CNTNAP2: variants seen among roughly 807,000 people sequenced by gnomAD.
CNTNAP2 encodes the protein contactin-associated protein-like 2.
In CNTNAP2, 98 loss-of-function variants were observed where a neutral mutation model predicts 155.2. That is an observed-to-expected ratio of 0.63 (90% CI 0.54 to 0.75). CNTNAP2 has a LOEUF of 0.75. CNTNAP2 is among the 30% of genes least tolerant of loss of function. The pLI is 0.00. For synonymous variants in CNTNAP2, 651 were observed against 631.2 expected, an observed-to-expected ratio of 1.03 and a Z score of -0.47; for missense variants, 1,727 against 1,688.1, an observed-to-expected ratio of 1.02 and a Z score of -0.40.
intron 13 of CNTNAP2, among the ~76,000 whole-genome samples, chr7:147,823,720 TAAAAAA>T (rs35815165): frequency 6.8e-6 from 1 of 147,690 alleles, no homozygotes; most frequent in South Asian, 2.1e-4. Context: ...AGCAAGGGCT[TAAAAAA>T]AAAAAAAATT....
intron 8 of CNTNAP2, among the ~76,000 whole-genome samples, chr7:147,250,610 C>T (rs985419): frequency 0.23 from 33,922 of 148,380 alleles, 4,032 homozygotes; most frequent in Middle Eastern, 0.3. Flanking sequence ...GTCCCTCTTT[C>T]GGGGGAGGGA....
chr7:147,228,069 A>G (rs1803588951), intron 8 of CNTNAP2, among the ~76,000 whole-genome samples: 1 of 152,222 alleles, frequency 6.6e-6, no homozygotes, highest in Non-Finnish European at 1.5e-5. Flanking sequence ...GGAACAGTAG[A>G]TGAACAAGTA....
intron 1 of CNTNAP2, among the ~76,000 whole-genome samples, chr7:146,126,320 G>A (rs2116727756): frequency 6.6e-6 from 1 of 152,278 alleles, no homozygotes; most frequent in South Asian, 2.1e-4. Context: ...ATTCCTTGAT[G>A]ACACTGTCAT....
At chr7:147,416,781 T>G (rs913681000) in intron 10 of CNTNAP2, among the ~76,000 whole-genome samples, 2 of 152,106 alleles carry the variant, frequency 1.3e-5, no homozygotes, top group African/African-American at 2.4e-5. Flanking sequence ...AGGACCAGTA[T>G]TAGGACATCT....
chr7:148,255,001 C>T (rs1796434871), intron 20 of CNTNAP2, among the ~76,000 whole-genome samples: 1 of 151,970 alleles, frequency 6.6e-6, no homozygotes, highest in Non-Finnish European at 1.5e-5. Flanking sequence ...AAAATTAATT[C>T]ATGATTATTT....
At chr7:146,397,901 T>A (rs2129107653) in intron 1 of CNTNAP2, among the ~76,000 whole-genome samples, 1 of 144,796 alleles carries the variant, frequency 6.9e-6, no homozygotes, top group Middle Eastern at 3.8e-3. Context: ...TTTGACATGG[T>A]CTTGCTCTGT....
At chr7:148,235,644 T>A (rs1796028570) in intron 20 of CNTNAP2, among the ~76,000 whole-genome samples, 1 of 151,962 alleles carries the variant, frequency 6.6e-6, no homozygotes. Context: ...TCCCCTGAAT[T>A]ATGTGCCGGA....
At chr7:146,494,348 T>A (rs1366367140) in intron 1 of CNTNAP2, among the ~76,000 whole-genome samples, 2 of 150,680 alleles carry the variant, frequency 1.3e-5, no homozygotes, top group African/African-American at 2.4e-5. Context: ...AAAAAATAAA[T>A]AAATAAAAAT....
intron 1 of CNTNAP2, among the ~76,000 whole-genome samples, chr7:146,508,623 C>G (rs189283813): frequency 6.6e-6 from 1 of 152,306 alleles, no homozygotes; most frequent in Non-Finnish European, 1.5e-5. Context: ...TGGTGTCCCC[C>G]CAAGCTGGGC....
chr7:147,092,314 C>T (rs1293306684), intron 4 of CNTNAP2, among the ~76,000 whole-genome samples: 1 of 152,050 alleles, frequency 6.6e-6, no homozygotes, highest in Non-Finnish European at 1.5e-5. Context: ...AAATAATTTC[C>T]TTCTTGAAGC....
At chr7:147,341,699 T>G (rs1795766141) in intron 9 of CNTNAP2, among the ~76,000 whole-genome samples, 1 of 151,774 alleles carries the variant, frequency 6.6e-6, no homozygotes, top group Admixed American at 6.6e-5. Flanking sequence ...ATGATTTTTT[T>G]TTTAATATAC....
intron 12 of CNTNAP2, among the ~76,000 whole-genome samples, chr7:147,627,001 A>G (rs1794992040): frequency 6.6e-6 from 1 of 152,194 alleles, no homozygotes; most frequent in Non-Finnish European, 1.5e-5. Context: ...AGGACTCTGT[A>G]GACATTCCCC....
At chr7:147,643,595 C>G (rs1795320696) in intron 13 of CNTNAP2, 1 of 152,004 alleles carries the variant, frequency 6.6e-6, no homozygotes, top group East Asian at 1.9e-4. Flanking sequence ...TATCCATTTA[C>G]TTATTCTTAA....
At chr7:148,181,741 CTTTTTTTTTTTTTTTTTTTTTTT>C (rs71527884) in intron 18 of CNTNAP2, among the ~76,000 whole-genome samples, 2 of 48,662 alleles carry the variant, frequency 4.1e-5, no homozygotes, top group South Asian at 1.2e-3. Context: ...AGTGTGTGCC[CTTTTTTTTTTTTTTTTTTTTTTT>C]TTTTTTTTTT....
chr7:146,129,220 A>C (rs528634665), intron 1 of CNTNAP2, among the ~76,000 whole-genome samples: 26 of 152,194 alleles, frequency 1.7e-4, no homozygotes, highest in Non-Finnish European at 3.7e-4. Flanking sequence ...TGTTGTTGGC[A>C]CAATTAGAAT....
chr7:147,405,386 C>T (rs769520499), intron 10 of CNTNAP2, among the ~76,000 whole-genome samples: 10 of 152,114 alleles, frequency 6.6e-5, no homozygotes, highest in Non-Finnish European at 1.0e-4. Context: ...TACGATTTCA[C>T]ACTAAGAATT....
At chr7:147,329,905 T>C (rs1795526547) in intron 9 of CNTNAP2, among the ~76,000 whole-genome samples, 1 of 152,178 alleles carries the variant, frequency 6.6e-6, no homozygotes, top group Non-Finnish European at 1.5e-5. Context: ...ATTCCCTTCT[T>C]ATGTAATGTT....
intron 1 of CNTNAP2, among the ~76,000 whole-genome samples, chr7:146,244,705 G>A (rs1255604161): frequency 2.0e-5 from 3 of 152,056 alleles, no homozygotes; most frequent in African/African-American, 7.3e-5. Context: ...ACTAATAAAG[G>A]CTGGTCTGTT....
intron 16 of CNTNAP2, among the ~76,000 whole-genome samples, chr7:148,122,228 A>G (rs1804612565): frequency 6.6e-6 from 1 of 152,060 alleles, no homozygotes; most frequent in South Asian, 2.1e-4. Flanking sequence ...CTGGTGTTTG[A>G]CCCCAAACAT....
Sources: gnomAD v4.1 joint callset for allele counts (sites outside exome capture counted in the v4.1 genomes callset) on GRCh38, gnomAD v4.1.1 for gene constraint, MANE v1.5 for transcripts, NCBI Gene and HGNC (gene_info 2026-07-23, HGNC 2026-07-21) for gene names.